The following UGCG variants were observed in gnomAD, a reference collection of about 807,000 sequenced individuals.
The protein encoded by UGCG is ceramide glucosyltransferase.
A neutral mutation model predicts 49.5 loss-of-function variants in UGCG; 10 were observed. That is an observed-to-expected ratio of 0.20 (90% CI 0.12 to 0.34). The LOEUF (loss-of-function observed/expected upper bound fraction) is 0.34, where lower values mean the gene tolerates loss of function less well. Ranked by LOEUF, UGCG falls within the 10% of genes least tolerant of loss-of-function variation. The probability of loss-of-function intolerance (pLI) is 1.00; values close to 1 mark genes in which losing one functional copy is unlikely to be tolerated. For missense variants in UGCG, 312 were observed against 483.7 expected, an observed-to-expected ratio of 0.65 and a Z score of 3.33; for synonymous variants, 182 against 158.2, an observed-to-expected ratio of 1.15 and a Z score of -1.13.
rs1837678419 is a variant in UGCG, at chr9:111,897,168, TC to T, written c.-46del. On this transcript the variant is annotated 5_prime_UTR_variant, in exon 1 of 9. Transcript: ENST00000374279. ...CTGTCCTCCTCCTGCGGGAGCGTTGTCCGTGTTGGCGGCCGCAGCGGGCCGG... is the reference window on the plus strand; with the variant it reads ...CTGTCCTCCTCCTGCGGGAGCGTTGTCGTGTTGGCGGCCGCAGCGGGCCGG... The T allele has an allele frequency of 6.0e-6, 9 of 1,506,864 alleles. No homozygotes were observed. In the East Asian group the frequency reaches 2.3e-4, roughly 38 times the overall value. 93.3% of individuals were successfully genotyped at this position (1,506,864 alleles called of 1,614,324 possible).
chr9:111,909,016 T>G (rs1837944179), intron 1 of UGCG, among the ~76,000 whole-genome samples: 1 of 152,198 alleles, frequency 6.6e-6, no homozygotes. Context: ...CCTCCCAGGT[T>G]CAAGTCATTC....
intron 1 of UGCG, among the ~76,000 whole-genome samples, chr9:111,911,063 A>T (rs1387974227): frequency 6.6e-6 from 1 of 152,038 alleles, no homozygotes; most frequent in African/African-American, 2.4e-5. Flanking sequence ...TTTTTCTTTT[A>T]TTCTATTTCA....
intron 5 of UGCG, among the ~76,000 whole-genome samples, chr9:111,927,575 C>T (rs982245997): frequency 5.9e-5 from 9 of 152,054 alleles, no homozygotes; most frequent in African/African-American, 1.9e-4. Context: ...CCTCAGCCTC[C>T]TGAGTAGCTG....
At chr9:111,913,583 C>T (rs1027871197) in intron 1 of UGCG, among the ~76,000 whole-genome samples, 2 of 149,014 alleles carry the variant, frequency 1.3e-5, no homozygotes, top group Non-Finnish European at 3.0e-5. Context: ...TAGGCACCCA[C>T]CACCACGCCC....
intron 2 of UGCG, 104 bp from the exon 3 acceptor site, chr9:111,922,745 A>C: frequency 1.5e-6 from 1 of 688,674 alleles, no homozygotes; most frequent in Non-Finnish European, 2.3e-6. Flanking sequence ...ACTTTGCATA[A>C]TACAGTTGCT....
chr9:111,930,920 A>G (rs1288801226), intron 6 of UGCG, among the ~76,000 whole-genome samples: 1 of 152,178 alleles, frequency 6.6e-6, no homozygotes, highest in African/African-American at 2.4e-5. Context: ...CCATAATGCC[A>G]CTTTCTGTTT....
intron 1 of UGCG, among the ~76,000 whole-genome samples, chr9:111,900,976 G>T (rs1198507891): frequency 1.3e-5 from 2 of 151,990 alleles, no homozygotes; most frequent in African/African-American, 4.8e-5. Context: ...CTCCCAAGTA[G>T]CTGGGACTAC....
chr9:111,902,406 C>G (rs1050390558), intron 1 of UGCG, among the ~76,000 whole-genome samples: 3 of 151,912 alleles, frequency 2.0e-5, no homozygotes, highest in Admixed American at 2.0e-4. Flanking sequence ...CTTATGAAGC[C>G]CATTTTGAAG....
chr9:111,934,987 G>T lies in UGCG; in HGVS notation c.*1990G>T, dbSNP rs895341977. 1 of 152,162 alleles carries T rather than the reference G, an allele frequency of 6.6e-6. No homozygotes were observed. Among genetic ancestry groups the T allele is most frequent in the African/African-American group, 2.4e-5 (1 of 41,440 alleles). 9.4% of individuals were successfully genotyped at this position (152,162 alleles called of 1,614,324 possible). A position where few individuals can be genotyped will look rare whatever the true frequency, so the allele number is the denominator to read the frequency against. On this transcript the variant is annotated 3_prime_UTR_variant, in exon 9 of 9. Coordinates refer to ENST00000374279, the MANE Select transcript of UGCG (RefSeq NM_003358.3). Reference sequence around the variant, plus strand: ...ATGCCATCCTTTGCACTGCCGAAGCGTAATCTTGTGTATTACTTAGCTCTC... The same window carrying T: ...ATGCCATCCTTTGCACTGCCGAAGCTTAATCTTGTGTATTACTTAGCTCTC...
At chr9:111,931,146 G>T in intron 6 of UGCG, 125 bp from the exon 7 acceptor site, 1 of 863,328 alleles carries the variant, frequency 1.2e-6, no homozygotes, top group Non-Finnish European at 1.8e-6. Flanking sequence ...TGCTAATCAT[G>T]AAAGCTGGGC....
At chr9:111,908,018 A>AT (rs1195071192) in intron 1 of UGCG, among the ~76,000 whole-genome samples, 1 of 124,112 alleles carries the variant, frequency 8.1e-6, no homozygotes, top group Non-Finnish European at 1.7e-5. Context: ...TTTTTTTCTG[A>AT]TTTTTTGGTT....
intron 2 of UGCG, chr9:111,915,740 C>G (rs956196396): frequency 2.2e-5 from 21 of 972,604 alleles, no homozygotes; most frequent in African/African-American, 3.5e-5. Flanking sequence ...TTTTCATGCT[C>G]TTATTTCTTT....
chr9:111,914,873 A>G, intron 2 of UGCG, 127 bp downstream of exon 2: 1 of 1,342,124 alleles, frequency 7.5e-7, no homozygotes, highest in South Asian at 1.6e-5. Context: ...TTGGCCTCAT[A>G]AAATATAACC....
chr9:111,931,230 TTCA>T (rs1195632836), intron 6 of UGCG, 38 bp from the exon 7 acceptor site: 10 of 1,583,888 alleles, frequency 6.3e-6, no homozygotes, highest in Non-Finnish European at 8.7e-6. Flanking sequence ...CTTGCATGTG[TTCA>T]TCATCATAAC....
intron 1 of UGCG, among the ~76,000 whole-genome samples, chr9:111,909,996 T>C (rs1268646228): frequency 6.6e-6 from 1 of 152,224 alleles, no homozygotes; most frequent in African/African-American, 2.4e-5. Context: ...GATATAGTAC[T>C]TAACAATTCT....
chr9:111,918,403 A>G (rs1436825405), intron 2 of UGCG, among the ~76,000 whole-genome samples: 1 of 152,224 alleles, frequency 6.6e-6, no homozygotes, highest in African/African-American at 2.4e-5. Context: ...AATTGTGAAG[A>G]CACAGAGCTG....
chr9:111,931,245 T>C (rs763978116), intron 6 of UGCG, 26 bp from the exon 7 acceptor site: 1 of 1,609,366 alleles, frequency 6.2e-7, no homozygotes, highest in Non-Finnish European at 8.5e-7. Flanking sequence ...CATCATAACT[T>C]ATTTTCTAAT....
At chr9:111,931,599 C>T (rs1838425348) in intron 7 of UGCG, among the ~76,000 whole-genome samples, 1 of 152,118 alleles carries the variant, frequency 6.6e-6, no homozygotes, top group Admixed American at 6.5e-5. Context: ...TTTTAATATG[C>T]TGATCTTTAT....
chr9:111,905,696 C>T (rs866828769), intron 1 of UGCG, among the ~76,000 whole-genome samples: 1 of 152,148 alleles, frequency 6.6e-6, no homozygotes, highest in Admixed American at 6.5e-5. Context: ...TCAGGTGATC[C>T]ACCCGCCTCA....
Sources: allele counts gnomAD v4.1 joint callset (sites outside exome capture counted in the v4.1 genomes callset), GRCh38; gene constraint gnomAD v4.1.1; transcripts MANE v1.5; gene names NCBI Gene and HGNC (gene_info 2026-07-23, HGNC 2026-07-21).